The following WDR93 variants were observed in gnomAD, a reference collection of about 807,000 sequenced individuals.
WDR93 encodes WD repeat domain 93, also known as WD repeat-containing protein 93.
WDR93 carries 73 observed loss-of-function variants against 82.9 expected under a neutral mutation model. The ratio of observed to expected loss-of-function variants is 0.88; its 90% CI spans 0.73 to 1.07. WDR93 has a LOEUF of 1.07. Among genes scored for constraint, WDR93 ranks in the 50% least tolerant of loss-of-function variants. The probability of loss-of-function intolerance (pLI) is 0.00; values close to 1 mark genes in which losing one functional copy is unlikely to be tolerated. For missense variants in WDR93, 738 were observed against 826.0 expected (o/e 0.89, Z 1.31); for synonymous variants, 283 against 300.1 (o/e 0.94, Z 0.59).
intron 14 of WDR93, among the ~76,000 whole-genome samples, chr15:89,736,704 G>T (rs983873578): frequency 6.6e-6 from 1 of 152,094 alleles, no homozygotes; most frequent in Non-Finnish European, 1.5e-5. Flanking sequence ...CGCAGGAGGT[G>T]GGGGAGTGGA....
chr15:89,732,892 A>AT (rs1227504250), intron 12 of WDR93, 114 bp from the exon 13 acceptor site: 1 of 939,106 alleles, frequency 1.1e-6, no homozygotes, highest in African/African-American at 1.6e-5. Flanking sequence ...TCATTGCTTG[A>AT]TTTTGCCTTC....
chr15:89,695,158 A>G (rs936542290), intron 1 of WDR93, among the ~76,000 whole-genome samples: 9 of 49,320 alleles, frequency 1.8e-4, no homozygotes, highest in African/African-American at 6.3e-4. Flanking sequence ...TAATTTCTGG[A>G]AAAAAAAAAG....
chr15:89,690,839 C>T lies in WDR93; in HGVS notation c.-59C>T, dbSNP rs76231002. On this transcript the variant is annotated 5_prime_UTR_variant, in exon 1 of 17. The change creates a new upstream start codon in the 5' untranslated region. Transcript: ENST00000268130. ...CCGGAAGTTGTGGTTACCAAGGCGA[C>T]GCAACGCCGCCCGGCCAGGTGAGCA... is the stretch of plus-strand genomic sequence containing the variant. The T allele has an allele frequency of 3.4e-3, 1,868 of 551,130 alleles. 36 individuals are homozygous for T. Among genetic ancestry groups the T allele is most frequent in the African/African-American group, 0.033 (1,713 of 51,720 alleles). The allele number at this position is 551,130 out of a possible 1,614,324, so 34.1% of individuals were successfully genotyped here. A position where few individuals can be genotyped will look rare whatever the true frequency, so the allele number is the denominator to read the frequency against.
intron 5 of WDR93, among the ~76,000 whole-genome samples, chr15:89,713,289 T>C (rs1966085658): frequency 6.6e-6 from 1 of 152,136 alleles, no homozygotes; most frequent in African/African-American, 2.4e-5. Context: ...CCCACCAATC[T>C]CAGCACTCAT....
intron 8 of WDR93, 38 bp downstream of exon 8, chr15:89,722,177 T>A: frequency 2.8e-6 from 4 of 1,406,016 alleles, no homozygotes; most frequent in Non-Finnish European, 3.9e-6. Context: ...TTGCCATTGA[T>A]TTATCTGTTC....
At chr15:89,727,428 T>G in intron 9 of WDR93, 100 bp downstream of exon 9, 1 of 1,335,098 alleles carries the variant, frequency 7.5e-7, no homozygotes, top group Non-Finnish European at 1.0e-6. Context: ...AATCTGAGAT[T>G]TAAAAGCTCT....
chr15:89,741,957 TGGC>T (rs1567136040), intron 16 of WDR93, among the ~76,000 whole-genome samples: 1 of 152,224 alleles, frequency 6.6e-6, no homozygotes, highest in Non-Finnish European at 1.5e-5. Context: ...TTCACCATGT[TGGC>T]CAGGATGGTA....
Position 89,735,558 on chromosome 15 carries a change from GTTCCCCATGCCTCTCTGTAAA to G in WDR93, c.1608+7_1608+27del. 6.2e-7 allele frequency: 1 copy of G among 1,613,518 alleles called. No individual in the cohort carries two copies. The highest frequency in any genetic ancestry group is 8.5e-7 in the Non-Finnish European group (1 of 1,179,470). ...GTCCCAGCCTTACCTGGCATGGTAG[GTTCCCCATGCCTCTCTGTAAA>G]TGCCCCATGCCTCTCATTTCTCTTC... is the stretch of plus-strand genomic sequence containing the variant. On this transcript the variant is annotated splice_donor_region_variant and intron_variant, in intron 14 of 16. Coordinates refer to ENST00000268130, the MANE Select transcript of WDR93 (RefSeq NM_020212.2).
At chr15:89,734,207 A>G (rs894759779) in intron 13 of WDR93, among the ~76,000 whole-genome samples, 2 of 152,144 alleles carry the variant, frequency 1.3e-5, no homozygotes, top group South Asian at 2.1e-4. Context: ...CCAAAACTTA[A>G]TGGTTTAAGA....
chr15:89,696,267 A>G (rs1000127902), intron 1 of WDR93, among the ~76,000 whole-genome samples: 1 of 152,228 alleles, frequency 6.6e-6, no homozygotes, highest in African/African-American at 2.4e-5. Flanking sequence ...TTCACTCATC[A>G]TAATGTCTTT....
Position 89,731,487 on chromosome 15 carries a change from CA to C in WDR93, c.1256del (p.Gln419ArgfsTer46). ...WPCAAPIAVS[Q>X]LSCSSSYLVL... ...CTGTGCTGCGCCCATTGCAGTCTCT[CA>C]GCTCAGCTGCTCCTCCTCCTACCTG... On this transcript the variant is annotated frameshift_variant, in exon 12 of 17. Transcript: ENST00000268130. LOFTEE classifies it high-confidence loss of function. 1 of 1,614,210 alleles carries C rather than the reference CA, an allele frequency of 6.2e-7. No individual in the cohort carries two copies. The highest frequency in any genetic ancestry group is 8.5e-7 in the Non-Finnish European group (1 of 1,180,026).
At chr15:89,727,408 G>C in intron 9 of WDR93, 80 bp downstream of exon 9, 1 of 1,475,282 alleles carries the variant, frequency 6.8e-7, no homozygotes, top group Non-Finnish European at 9.2e-7. Flanking sequence ...TCAACCCAGG[G>C]ACCTGAATTA....
rs373370465 is a variant in WDR93, at chr15:89,702,023, G to A, written c.277G>A (p.Val93Ile). ...TGAGAGCAGCCAGATCCAGCCCACCGTCTACCCTCCACTTGGAGAAATCCA... is the reference window on the plus strand; with the variant it reads ...TGAGAGCAGCCAGATCCAGCCCACCATCTACCCTCCACTTGGAGAAATCCA... ...EAESSQIQPT[V>I]YPPLGEIQLN... is the part of the protein sequence containing the mutation. The change falls in exon 2 of 17, where the codon GTC (valine) becomes ATC (isoleucine). Residue 93 changes from valine to isoleucine, a missense_variant. Physicochemically the swap from Val to Ile is conservative, Grantham distance 29. Transcript: ENST00000268130. The A allele has an allele frequency of 3.3e-5, 53 of 1,610,622 alleles. No homozygotes were observed. The African/African-American group carries it at 4.5e-4, about 14-fold the overall frequency.
chr15:89,696,519 G>A (rs1219601921), intron 1 of WDR93, among the ~76,000 whole-genome samples: 6 of 151,942 alleles, frequency 3.9e-5, no homozygotes, highest in African/African-American at 1.5e-4. Flanking sequence ...GTTTGAGACA[G>A]GGCCTCACTC....
Position 89,705,587 on chromosome 15 carries a change from G to A in WDR93, c.530G>A (p.Gly177Glu). ...IIRLFYFYKE[G>E]LYLVKAINEV... ...AGACTCTTTTATTTTTATAAGGAAG[G>A]ACTTTACCTAGTCAAAGCCATCAAT... is the stretch of plus-strand genomic sequence containing the variant. Residue 177 changes from glycine to glutamate, a missense_variant, in exon 4 of 17, where the codon GGA becomes GAA. By Grantham distance (98) the Gly-to-Glu change is moderately conservative. Transcript: ENST00000268130. 1 of 1,574,192 alleles carries A rather than the reference G, an allele frequency of 6.4e-7. No individual in the cohort carries two copies. The highest frequency in any genetic ancestry group is 2.2e-5 in the East Asian group (1 of 44,794).
At chr15:89,736,362 G>A (rs1324246158) in intron 14 of WDR93, among the ~76,000 whole-genome samples, 3 of 152,142 alleles carry the variant, frequency 2.0e-5, no homozygotes, top group Non-Finnish European at 2.9e-5. Flanking sequence ...AGGACCCCCA[G>A]GGGAGGCTCC....
intron 1 of WDR93, among the ~76,000 whole-genome samples, chr15:89,697,799 T>C (rs779702129): frequency 1.3e-5 from 2 of 152,158 alleles, no homozygotes; most frequent in Non-Finnish European, 2.9e-5. Flanking sequence ...ATTTTTACTT[T>C]GTGTATTTTG....
chr15:89,726,828 T>A (rs958845726), intron 8 of WDR93, among the ~76,000 whole-genome samples: 2 of 152,042 alleles, frequency 1.3e-5, no homozygotes, highest in East Asian at 3.9e-4. Context: ...TGATCTAAAG[T>A]CTCCAGTGGC....
At chr15:89,728,350 G>A (rs1424644476) in intron 9 of WDR93, among the ~76,000 whole-genome samples, 1 of 152,182 alleles carries the variant, frequency 6.6e-6, no homozygotes, top group Non-Finnish European at 1.5e-5. Flanking sequence ...GTGGATCTCA[G>A]GAATGTTCTT....
Sources: gnomAD v4.1 joint callset for allele counts (sites outside exome capture counted in the v4.1 genomes callset) on GRCh38, gnomAD v4.1.1 for gene constraint, MANE v1.5 for transcripts, NCBI Gene and HGNC (gene_info 2026-07-23, HGNC 2026-07-21) for gene names.